CFAP141: variants seen among roughly 807,000 people sequenced by gnomAD.
CFAP141 encodes the protein cilia and flagella associated protein 141, also known as cilia- and flagella-associated protein 141.
the CFAP141 span, among the ~76,000 whole-genome samples, chr1:154,205,939 G>T: frequency 2.6e-5 from 4 of 152,104 alleles, no homozygotes; most frequent in African/African-American, 9.7e-5. Flanking sequence ...CTGACCTCAG[G>T]TGATCCGCCC....
the CFAP141 span, among the ~76,000 whole-genome samples, chr1:154,200,936 G>A: frequency 2.0e-5 from 3 of 152,156 alleles, no homozygotes; most frequent in South Asian, 6.2e-4. Context: ...CACCTGCCTC[G>A]GCTTCCCAGA....
the CFAP141 span, among the ~76,000 whole-genome samples, chr1:154,199,203 C>G: frequency 6.6e-6 from 1 of 152,006 alleles, no homozygotes; most frequent in Non-Finnish European, 1.5e-5. Flanking sequence ...ACTATGACCA[C>G]AAGGCGTCAC....
the CFAP141 span, among the ~76,000 whole-genome samples, chr1:154,200,170 C>G: frequency 6.6e-6 from 1 of 152,158 alleles, no homozygotes; most frequent in South Asian, 2.1e-4. Flanking sequence ...CCACCACACC[C>G]GATCTAAGAG....
At chr1:154,204,429 T>C in the CFAP141 span, among the ~76,000 whole-genome samples, 1 of 152,174 alleles carries the variant, frequency 6.6e-6, no homozygotes, top group Admixed American at 6.5e-5. Context: ...TAGGCATCAG[T>C]GCTTATTTAT....
the CFAP141 span, among the ~76,000 whole-genome samples, chr1:154,201,614 C>A: frequency 2.6e-5 from 4 of 151,964 alleles, no homozygotes; most frequent in Non-Finnish European, 2.9e-5. Flanking sequence ...TGTCGAACTC[C>A]TGACCTCAGG....
chr1:154,205,428 G>A, the CFAP141 span, among the ~76,000 whole-genome samples: 1 of 152,148 alleles, frequency 6.6e-6, no homozygotes, highest in African/African-American at 2.4e-5. Flanking sequence ...GGCACTAAGA[G>A]GCTGATCTCA....
chr1:154,200,400 A>G, the CFAP141 span: 36 of 1,575,744 alleles, frequency 2.3e-5, no homozygotes, highest in Admixed American at 3.4e-4. Flanking sequence ...GGAAAACTCA[A>G]TGGGCAAAGG....
chr1:154,202,046 C>T, the CFAP141 span, among the ~76,000 whole-genome samples: 1 of 151,994 alleles, frequency 6.6e-6, no homozygotes, highest in Non-Finnish European at 1.5e-5. Context: ...AAGCAATTCT[C>T]CTGCCTCAGA....
At chr1:154,200,982 C>T in the CFAP141 span, among the ~76,000 whole-genome samples, 11 of 152,250 alleles carry the variant, frequency 7.2e-5, no homozygotes, top group African/African-American at 2.4e-4. Flanking sequence ...CCACGCCTGG[C>T]CCAAGACTGT....
the CFAP141 span, chr1:154,205,555 A>G: frequency 6.3e-7 from 1 of 1,585,268 alleles, no homozygotes; most frequent in Non-Finnish European, 8.7e-7. Flanking sequence ...CAGAGTGGAA[A>G]GGTCAAGCTC....
the CFAP141 span, chr1:154,206,228 A>G: frequency 6.3e-7 from 1 of 1,579,246 alleles, no homozygotes; most frequent in Non-Finnish European, 8.7e-7. Flanking sequence ...ATTGATCTGG[A>G]AACTTCATCA....
the CFAP141 span, chr1:154,205,536 G>C: frequency 1.3e-6 from 2 of 1,490,570 alleles, no homozygotes; most frequent in Non-Finnish European, 1.9e-6. Context: ...GGTGGCTCAG[G>C]GAAGACAGCA....
At chr1:154,199,556 T>C in the CFAP141 span, 1 of 1,430,330 alleles carries the variant, frequency 7.0e-7, no homozygotes, top group Non-Finnish European at 9.7e-7. Context: ...ATAGAGTGTG[T>C]TGTTTGCCTC....
chr1:154,200,704 C>CA, the CFAP141 span: 1 of 1,184,988 alleles, frequency 8.4e-7, no homozygotes, highest in Non-Finnish European at 1.2e-6. Flanking sequence ...TTTTTTGAGA[C>CA]AGAGTTTCAC....
the CFAP141 span, chr1:154,199,462 G>C: frequency 5.0e-6 from 8 of 1,613,028 alleles, no homozygotes; most frequent in South Asian, 8.8e-5. Context: ...TTGCCCATCT[G>C]ATTTAGTTCC....
At chr1:154,200,549 T>A in the CFAP141 span, 3 of 1,614,224 alleles carry the variant, frequency 1.9e-6, no homozygotes, top group East Asian at 2.2e-5. Context: ...TCTGGCCCAA[T>A]GCCATTTGCC....
chr1:154,204,908 C>G, the CFAP141 span, among the ~76,000 whole-genome samples: 1 of 145,318 alleles, frequency 6.9e-6, no homozygotes, highest in Non-Finnish European at 1.5e-5. Flanking sequence ...GAGTCTTGCT[C>G]TGTCACCCAG....
chr1:154,204,695 G>A, the CFAP141 span, among the ~76,000 whole-genome samples: 2 of 151,416 alleles, frequency 1.3e-5, no homozygotes, highest in South Asian at 4.2e-4. Flanking sequence ...CTGAGTGGCT[G>A]AGACTACAGG....
chr1:154,204,855 C>G, the CFAP141 span, among the ~76,000 whole-genome samples: 1 of 151,448 alleles, frequency 6.6e-6, no homozygotes, highest in African/African-American at 2.4e-5. Flanking sequence ...AACCACCATG[C>G]CAGGCTTGCA....
Sources: allele counts gnomAD v4.1 joint callset (sites outside exome capture counted in the v4.1 genomes callset), GRCh38; gene constraint gnomAD v4.1.1; transcripts MANE v1.5; gene names NCBI Gene and HGNC (gene_info 2026-07-23, HGNC 2026-07-21).